CYRIA: variants seen among roughly 807,000 people sequenced by gnomAD.
CYRIA encodes CYFIP-related Rac1 interactor A.
Under a neutral mutation model 43.9 loss-of-function variants are expected in CYRIA, and 15 were observed. The ratio of observed to expected loss-of-function variants is 0.34; its 90% CI spans 0.23 to 0.53. The LOEUF is 0.53. Among genes scored for constraint, CYRIA ranks in the 20% least tolerant of loss-of-function variants. The pLI, the probability that CYRIA is intolerant of heterozygous loss-of-function variation, is 0.94. For missense variants in CYRIA, 236 were observed against 394.2 expected, an observed-to-expected ratio of 0.60 and a Z score of 3.40; for synonymous variants, 117 against 136.0, an observed-to-expected ratio of 0.86 and a Z score of 0.97.
At chr2:16,558,578 C>T (rs1354353237) in intron 10 of CYRIA, among the ~76,000 whole-genome samples, 1 of 152,156 alleles carries the variant, frequency 6.6e-6, no homozygotes, top group Non-Finnish European at 1.5e-5. Flanking sequence ...GTGCTAGAGG[C>T]AAGTGCTGGA....
chr2:16,571,321 G>A (rs1667120098), intron 3 of CYRIA, among the ~76,000 whole-genome samples: 1 of 152,210 alleles, frequency 6.6e-6, no homozygotes, highest in African/African-American at 2.4e-5. Flanking sequence ...TCATTGTGGA[G>A]AAGAGTGATA....
At chr2:16,641,587 C>T (rs1158145025) in intron 1 of CYRIA, among the ~76,000 whole-genome samples, 1 of 152,214 alleles carries the variant, frequency 6.6e-6, no homozygotes, top group Admixed American at 6.5e-5. Context: ...AGACACCTTG[C>T]TTTTCTCCTT....
At chr2:16,592,794 C>T (rs1383149363) in intron 2 of CYRIA, among the ~76,000 whole-genome samples, 1 of 151,096 alleles carries the variant, frequency 6.6e-6, no homozygotes, top group Non-Finnish European at 1.5e-5. Context: ...CCTTGTTTTT[C>T]AATCAAAAAA....
At chr2:16,626,949 G>A (rs1034545852) in intron 1 of CYRIA, among the ~76,000 whole-genome samples, 2 of 152,182 alleles carry the variant, frequency 1.3e-5, no homozygotes, top group Non-Finnish European at 1.5e-5. Flanking sequence ...TTTTGAGAGC[G>A]GTACAAAGCT....
At chr2:16,578,241 A>C (rs2103441178) in intron 3 of CYRIA, among the ~76,000 whole-genome samples, 1 of 152,328 alleles carries the variant, frequency 6.6e-6, no homozygotes, top group Non-Finnish European at 1.5e-5. Context: ...GGATGGACTC[A>C]ACCCCACTAG....
chr2:16,658,978 A>G (rs762559412), intron 1 of CYRIA, among the ~76,000 whole-genome samples: 1 of 152,228 alleles, frequency 6.6e-6, no homozygotes, highest in African/African-American at 2.4e-5. Context: ...ACAAGGCCAT[A>G]TACTGCACTC....
intron 3 of CYRIA, among the ~76,000 whole-genome samples, chr2:16,580,976 A>T (rs1248461777): frequency 6.6e-6 from 1 of 152,238 alleles, no homozygotes; most frequent in East Asian, 1.9e-4. Context: ...ACTGATCTAA[A>T]TGTAAAGCTT....
intron 10 of CYRIA, among the ~76,000 whole-genome samples, chr2:16,557,309 G>A (rs942144852): frequency 2.6e-5 from 4 of 151,946 alleles, no homozygotes; most frequent in Non-Finnish European, 4.4e-5. Flanking sequence ...TCTGCTCTTC[G>A]GCAAAACGAG....
At chr2:16,632,681 G>A (rs1054363997) in intron 1 of CYRIA, among the ~76,000 whole-genome samples, 39 of 152,132 alleles carry the variant, frequency 2.6e-4, no homozygotes, top group Non-Finnish European at 4.7e-4. Flanking sequence ...CTTGGGAAGC[G>A]GGAGAGAGTC....
At chr2:16,593,561 C>T (rs987911666) in intron 2 of CYRIA, among the ~76,000 whole-genome samples, 2 of 151,858 alleles carry the variant, frequency 1.3e-5, no homozygotes, top group African/African-American at 4.8e-5. Context: ...GGTAATTCTA[C>T]AAAAATTAAA....
intron 3 of CYRIA, among the ~76,000 whole-genome samples, chr2:16,583,131 T>C (rs1350777296): frequency 2.0e-5 from 3 of 152,382 alleles, no homozygotes; most frequent in Non-Finnish European, 2.9e-5. Flanking sequence ...CATCTTTTCA[T>C]GTGCTTATTG....
rs115325896 is a variant in CYRIA at position 16,642,699 on chromosome 2, C to T, written c.-166-18680G>A. On this transcript the variant is annotated intron_variant, in intron 1 of 11. Coordinates refer to ENST00000381323, the MANE Select transcript of CYRIA (RefSeq NM_030797.4). ...CTCTTCTTCCTTTGTTCTATCAGGT[C>T]CATCACATTGGCCTCCTAGCTTGTC... Among the ~76,000 whole-genome samples the T allele has an allele frequency of 2.0e-3, 309 of 152,342 alleles. 1 individual carries two copies. The highest frequency in any genetic ancestry group is 6.8e-3 in the Middle Eastern group (2 of 294).
At position 16,549,759 on chromosome 2, in the gene CYRIA, A is replaced by C. The variant is rs1234811415; in HGVS notation, c.*3177T>G. Reference sequence around the variant, plus strand: ...AATTCTACTGCACAATTGGATCCTAAGATTGGGAGGCTTAATTTTTCTTTG... The same window carrying C: ...AATTCTACTGCACAATTGGATCCTACGATTGGGAGGCTTAATTTTTCTTTG... On this transcript the variant is annotated 3_prime_UTR_variant, in exon 12 of 12. Coordinates refer to ENST00000381323, the MANE Select transcript of CYRIA (RefSeq NM_030797.4). The C allele has an allele frequency of 6.6e-6, 1 of 152,140 alleles. No individual in the cohort carries two copies. 9.4% of individuals were successfully genotyped at this position (152,140 alleles called of 1,614,324 possible).
chr2:16,572,228 A>C (rs900741401), intron 3 of CYRIA, among the ~76,000 whole-genome samples: 1 of 152,132 alleles, frequency 6.6e-6, no homozygotes, highest in Non-Finnish European at 1.5e-5. Context: ...GTTAAAAGAG[A>C]GGGAAGCTAA....
rs181616881 is a variant in CYRIA at position 16,635,196 on chromosome 2, G to C, written c.-166-11177C>G. 8.5e-5 allele frequency among the ~76,000 whole-genome samples: 13 copies of C among 152,330 alleles called. No homozygotes were observed. In the East Asian group the frequency reaches 2.3e-3, roughly 27 times the overall value. On this transcript the variant is annotated intron_variant, in intron 1 of 11. Coordinates refer to ENST00000381323, the MANE Select transcript of CYRIA (RefSeq NM_030797.4). Reference sequence around the variant, plus strand: ...TGCTACTGGACAGGGATGCTGCCAAGCATCCTATCACGCACAGGAAAGCCC... The same window carrying C: ...TGCTACTGGACAGGGATGCTGCCAACCATCCTATCACGCACAGGAAAGCCC...
chr2:16,626,526 C>A (rs1478533907), intron 1 of CYRIA, among the ~76,000 whole-genome samples: 17 of 152,174 alleles, frequency 1.1e-4, no homozygotes, highest in Admixed American at 1.1e-3. Context: ...GGTCCCACAG[C>A]TAATGGCCTC....
chr2:16,627,110 C>T lies in CYRIA; in HGVS notation c.-166-3091G>A, dbSNP rs568400371. Among the ~76,000 whole-genome samples, 10 of 152,358 alleles carry T rather than the reference C, an allele frequency of 6.6e-5. No individual in the cohort carries two copies. In the South Asian group the frequency reaches 1.9e-3, roughly 28 times the overall value. ...TTTCCCCATGTCCTGTCCCACCCCA[C>T]CCCATTCAGGGGAGGGCTAGGGAAG... On this transcript the variant is annotated intron_variant, in intron 1 of 11. Coordinates refer to ENST00000381323, the MANE Select transcript of CYRIA (RefSeq NM_030797.4).
At chr2:16,591,926 C>T (rs1667946576) in intron 2 of CYRIA, among the ~76,000 whole-genome samples, 1 of 152,098 alleles carries the variant, frequency 6.6e-6, no homozygotes, top group Admixed American at 6.6e-5. Flanking sequence ...ACTCCCTTGG[C>T]ATCTTCAGAA....
intron 10 of CYRIA, among the ~76,000 whole-genome samples, chr2:16,558,848 G>A (rs931991535): frequency 5.3e-5 from 8 of 152,016 alleles, no homozygotes; most frequent in African/African-American, 1.2e-4. Flanking sequence ...GTGCTCTGGC[G>A]ACCAGAGAAG....
Sources: allele counts gnomAD v4.1 joint callset (sites outside exome capture counted in the v4.1 genomes callset), GRCh38; gene constraint gnomAD v4.1.1; transcripts MANE v1.5; gene names NCBI Gene and HGNC (gene_info 2026-07-23, HGNC 2026-07-21).